The following DIP2C variants were observed in gnomAD, a reference collection of about 807,000 sequenced individuals.
DIP2C encodes the protein disco-interacting protein 2 homolog C.
In DIP2C, 33 loss-of-function variants were observed where a neutral mutation model predicts 192.4. That is an observed-to-expected ratio of 0.17 (90% CI 0.13 to 0.23). The LOEUF is 0.23. Among genes scored for constraint, DIP2C ranks in the 10% least tolerant of loss-of-function variants. DIP2C has a pLI of 1.00. For missense variants in DIP2C, 1,537 were observed against 2,110.1 expected (o/e 0.73, Z 5.32); for synonymous variants, 979 against 864.1 (o/e 1.13, Z -2.33).
intron 1 of DIP2C, among the ~76,000 whole-genome samples, chr10:557,125 G>T (rs1414501806): frequency 6.6e-6 from 1 of 152,236 alleles, no homozygotes; most frequent in Non-Finnish European, 1.5e-5. Flanking sequence ...CTGGGCGTAA[G>T]ACCAGCACTC....
At chr10:394,414 G>A (rs567558073) in intron 10 of DIP2C, among the ~76,000 whole-genome samples, 118 of 150,386 alleles carry the variant, frequency 7.8e-4, no homozygotes, top group African/African-American at 2.7e-3. Context: ...GAACCAGGAG[G>A]ACATTACATC....
At chr10:311,539 G>C (rs1014308937) in intron 31 of DIP2C, 16 of 1,232,316 alleles carry the variant, frequency 1.3e-5, no homozygotes, top group Non-Finnish European at 1.6e-5. Flanking sequence ...TCCCCTACCT[G>C]CTCGGCCAGG....
chr10:408,997 T>C lies in DIP2C; in HGVS notation c.1078A>G (p.Met360Val). 1 of 1,614,194 alleles carries C rather than the reference T, an allele frequency of 6.2e-7. No individual in the cohort carries two copies. The highest frequency in any genetic ancestry group is 1.1e-5 in the South Asian group (1 of 91,090). The change falls in exon 9 of 37, where the codon ATG becomes GTG. Residue 360 changes from methionine to valine, a missense_variant. Around this residue, in one of 4 missense-constraint regions of DIP2C, gnomAD observed 473 missense variants for 539.6 expected, o/e 0.88. Coordinates refer to ENST00000280886, the MANE Select transcript of DIP2C (RefSeq NM_014974.3). ...LTYGKLWTRS[M>V]KVAYSILHKL... ...TGTAGAATGCTGTAAGCGACCTTCA[T>C]ACTTCTTGTCCACAGCTTGCCTATG...
intron 1 of DIP2C, among the ~76,000 whole-genome samples, chr10:508,246 C>T (rs12251997): frequency 0.13 from 19,279 of 152,104 alleles, 2,411 homozygotes; most frequent in African/African-American, 0.32. Flanking sequence ...CCATGTCAGG[C>T]TCCATCTTTT....
intron 1 of DIP2C, among the ~76,000 whole-genome samples, chr10:654,640 G>C (rs1050286758): frequency 6.6e-6 from 1 of 152,092 alleles, no homozygotes; most frequent in African/African-American, 2.4e-5. Flanking sequence ...TGATCCCCAG[G>C]AAGTAATGAG....
rs574808392 is a variant in DIP2C, at chr10:453,315, AGAAATCTCTC to A, written c.269-12329_269-12320del. The stretch of plus-strand genomic sequence containing the variant: ...CCGTGGAATGGAAACAATGAGAAAC[AGAAATCTCTC>A]GGGTGAAGGTACCAGGCAGGATTGC... On this transcript the variant is annotated intron_variant, in intron 3 of 36. Coordinates refer to ENST00000280886, the MANE Select transcript of DIP2C (RefSeq NM_014974.3). Among the ~76,000 whole-genome samples, 296 of 152,360 alleles carry A rather than the reference AGAAATCTCTC, an allele frequency of 1.9e-3. 3 individuals carry two copies. Among genetic ancestry groups the A allele is most frequent in the African/African-American group, 6.7e-3 (277 of 41,594 alleles).
rs773796311 is a variant in DIP2C, at chr10:414,130, G to A, written c.860-20C>T. On this transcript the variant is annotated intron_variant, in intron 7 of 36. Coordinates refer to ENST00000280886, the MANE Select transcript of DIP2C (RefSeq NM_014974.3). The stretch of plus-strand genomic sequence containing the variant: ...GTTGAACTAAATCGTTTGAATACAA[G>A]AGGTTACAAGAGAAATGCATCCACA... The A allele has an allele frequency of 5.0e-6, 8 of 1,597,230 alleles. No individual in the cohort carries two copies. Among genetic ancestry groups the A allele is most frequent in the Middle Eastern group, 1.7e-4 (1 of 5,992 alleles).
chr10:609,935 G>A (rs573336365), intron 1 of DIP2C, among the ~76,000 whole-genome samples: 1 of 152,026 alleles, frequency 6.6e-6, no homozygotes, highest in Admixed American at 6.5e-5. Flanking sequence ...GGGCACAAAG[G>A]AATGCGGCAT....
At chr10:583,023 T>C (rs1313024864) in intron 1 of DIP2C, among the ~76,000 whole-genome samples, 5 of 152,252 alleles carry the variant, frequency 3.3e-5, no homozygotes, top group Admixed American at 2.6e-4. Flanking sequence ...TACATGGCGA[T>C]TTATGGCAGT....
At chr10:579,049 CAT>C (rs1027095531) in intron 1 of DIP2C, among the ~76,000 whole-genome samples, 12 of 152,094 alleles carry the variant, frequency 7.9e-5, no homozygotes, top group East Asian at 1.9e-4. Flanking sequence ...AGTGTACAAA[CAT>C]AAGTGCACAA....
chr10:531,703 A>G (rs1283144547), intron 1 of DIP2C, among the ~76,000 whole-genome samples: 2 of 152,056 alleles, frequency 1.3e-5, no homozygotes, highest in African/African-American at 2.4e-5. Context: ...GGTGTGGGGA[A>G]ATCAGGATGC....
intron 3 of DIP2C, among the ~76,000 whole-genome samples, chr10:469,482 A>T (rs1970465681): frequency 6.6e-6 from 1 of 151,734 alleles, no homozygotes; most frequent in Admixed American, 6.6e-5. Context: ...ATGCCTGGCT[A>T]ATTTTTGTAT....
intron 24 of DIP2C, among the ~76,000 whole-genome samples, chr10:351,358 C>A (rs1403499518): frequency 1.3e-5 from 2 of 152,148 alleles, no homozygotes; most frequent in African/African-American, 4.8e-5. Flanking sequence ...ACCAAAACGT[C>A]CACAAGACAG....
chr10:305,554 T>G (rs1363311668), intron 32 of DIP2C, among the ~76,000 whole-genome samples: 1 of 152,240 alleles, frequency 6.6e-6, no homozygotes, highest in African/African-American at 2.4e-5. Flanking sequence ...TAGTTATGAC[T>G]TCAGGTTACA....
At chr10:423,947 G>C (rs910876300) in intron 4 of DIP2C, among the ~76,000 whole-genome samples, 1 of 152,140 alleles carries the variant, frequency 6.6e-6, no homozygotes, top group African/African-American at 2.4e-5. Flanking sequence ...TTCTATCTGT[G>C]CAGATTGGAT....
intron 1 of DIP2C, among the ~76,000 whole-genome samples, chr10:535,112 C>T (rs1170045169): frequency 1.3e-5 from 2 of 152,094 alleles, no homozygotes; most frequent in East Asian, 1.9e-4. Flanking sequence ...CTTCAGCACC[C>T]GGGTTTGCAG....
At chr10:316,648 G>A (rs1010084148) in intron 31 of DIP2C, among the ~76,000 whole-genome samples, 2 of 152,158 alleles carry the variant, frequency 1.3e-5, no homozygotes, top group Non-Finnish European at 2.9e-5. Flanking sequence ...GGGTGATCCA[G>A]GCCACCCTCG....
At chr10:502,688 T>G (rs1241193786) in intron 1 of DIP2C, among the ~76,000 whole-genome samples, 1 of 152,216 alleles carries the variant, frequency 6.6e-6, no homozygotes, top group African/African-American at 2.4e-5. Flanking sequence ...TATTGGCAAT[T>G]AGTATTTGGG....
At position 277,253 on chromosome 10, in the gene DIP2C, C is replaced by T; in HGVS notation, c.*72G>A. 6.3e-7 allele frequency: 1 copy of T among 1,574,810 alleles called. No homozygotes were observed. Among genetic ancestry groups the T allele is most frequent in the East Asian group, 2.2e-5 (1 of 44,662 alleles). On this transcript the variant is annotated 3_prime_UTR_variant, in exon 37 of 37. Coordinates refer to ENST00000280886, the MANE Select transcript of DIP2C (RefSeq NM_014974.3). Reference sequence around the variant, plus strand: ...TATTCTGGTGAGTGTTGCCCTGTGTCTGCACGCTTCAGTGGACACGGAGAA... The same window carrying T: ...TATTCTGGTGAGTGTTGCCCTGTGTTTGCACGCTTCAGTGGACACGGAGAA...
Sources: gnomAD v4.1 joint callset for allele counts (sites outside exome capture counted in the v4.1 genomes callset) on GRCh38, gnomAD v4.1.1 for gene constraint, gnomAD v4.1.1 regional missense constraint, MANE v1.5 for transcripts, NCBI Gene and HGNC (gene_info 2026-07-23, HGNC 2026-07-21) for gene names.